The following MAP3K5 variants were observed in gnomAD, a reference collection of about 807,000 sequenced individuals.
The protein encoded by MAP3K5 is ASK-1.
In MAP3K5, 56 loss-of-function variants were observed where a neutral mutation model predicts 158.7. The observed-to-expected ratio is 0.35, with a 90% CI of 0.28 to 0.44. The LOEUF (loss-of-function observed/expected upper bound fraction) is 0.44, where lower values mean the gene tolerates loss of function less well. MAP3K5 is among the 20% of genes least tolerant of loss of function. The pLI, the probability that MAP3K5 is intolerant of heterozygous loss-of-function variation, is 1.00. For missense variants in MAP3K5, 1,294 were observed against 1,674.8 expected, an observed-to-expected ratio of 0.77 and a Z score of 3.97; for synonymous variants, 579 against 601.7, an observed-to-expected ratio of 0.96 and a Z score of 0.55.
rs528207205 is a variant in MAP3K5, at chr6:136,670,596, A to G, written c.1254-1201T>C. On this transcript the variant is annotated intron_variant, in intron 7 of 29. Coordinates refer to ENST00000359015, the MANE Select transcript of MAP3K5 (RefSeq NM_005923.4). ...GAATAGTAAACATAGTGATAGGCACAATAGTGTATATTGTAGGCACAATAA... is the reference window on the plus strand; with the variant it reads ...GAATAGTAAACATAGTGATAGGCACGATAGTGTATATTGTAGGCACAATAA... Among the ~76,000 whole-genome samples, 5 of 152,044 alleles carry G rather than the reference A, an allele frequency of 3.3e-5. No individual in the cohort carries two copies. In the South Asian group the frequency reaches 1.0e-3, roughly 32 times the overall value.
chr6:136,645,449 T>A (rs1382020214), intron 11 of MAP3K5, among the ~76,000 whole-genome samples: 2 of 152,134 alleles, frequency 1.3e-5, no homozygotes, highest in Admixed American at 1.3e-4. Context: ...AGTCCTCCAC[T>A]AGGCCCCTGC....
At chr6:136,646,737 C>T (rs1778274926) in intron 11 of MAP3K5, among the ~76,000 whole-genome samples, 1 of 152,220 alleles carries the variant, frequency 6.6e-6, no homozygotes, top group African/African-American at 2.4e-5. Flanking sequence ...TAGTGTATCT[C>T]AGCTTGTGAG....
At chr6:136,624,222 A>G (rs937295754) in intron 14 of MAP3K5, among the ~76,000 whole-genome samples, 5 of 152,200 alleles carry the variant, frequency 3.3e-5, no homozygotes, top group South Asian at 2.1e-4. Context: ...TATAACATGT[A>G]TAAGTCAACA....
Position 136,705,136 on chromosome 6 carries a change from G to GA in MAP3K5, c.589-4dup. ...GTATTCTTCTGGCAAATTATTTCCT[G>GA]AAAAACAAGAAAAAAAATATACCAC... On this transcript the variant is annotated splice_polypyrimidine_tract_variant and splice_region_variant and intron_variant, in intron 2 of 29. Coordinates refer to ENST00000359015, the MANE Select transcript of MAP3K5 (RefSeq NM_005923.4). 1 of 1,167,444 alleles carries GA rather than the reference G, an allele frequency of 8.6e-7. No individual in the cohort carries two copies. Among genetic ancestry groups the GA allele is most frequent in the South Asian group, 1.5e-5 (1 of 67,982 alleles). The allele number at this position is 1,167,444 out of a possible 1,614,324, so 72.3% of individuals were successfully genotyped here. A position where few individuals can be genotyped will look rare whatever the true frequency, so the allele number is the denominator to read the frequency against.
intron 7 of MAP3K5, among the ~76,000 whole-genome samples, chr6:136,670,222 G>T (rs1779423070): frequency 6.6e-6 from 1 of 151,972 alleles, no homozygotes; most frequent in Admixed American, 6.6e-5. Context: ...TTCAGTGTTT[G>T]AATATTTACT....
chr6:136,682,862 G>C (rs1779992029), intron 7 of MAP3K5, among the ~76,000 whole-genome samples: 1 of 152,048 alleles, frequency 6.6e-6, no homozygotes, highest in African/African-American at 2.4e-5. Context: ...AATTCAGACA[G>C]GGCCTGTGTA....
At chr6:136,573,300 T>C (rs1288384735) in intron 25 of MAP3K5, among the ~76,000 whole-genome samples, 2 of 152,218 alleles carry the variant, frequency 1.3e-5, no homozygotes, top group Non-Finnish European at 2.9e-5. Context: ...AGCTCTTGGT[T>C]CTCAGACCTT....
chr6:136,764,023 T>C (rs1203413089), intron 1 of MAP3K5, among the ~76,000 whole-genome samples: 2 of 152,176 alleles, frequency 1.3e-5, no homozygotes, highest in East Asian at 3.8e-4. Context: ...AAAATAAATT[T>C]CATTTCTCAT....
At chr6:136,743,056 C>T (rs1164650712) in intron 1 of MAP3K5, among the ~76,000 whole-genome samples, 1 of 152,138 alleles carries the variant, frequency 6.6e-6, no homozygotes, top group Non-Finnish European at 1.5e-5. Flanking sequence ...TGACACTGCA[C>T]TCCAGCCTGG....
intron 11 of MAP3K5, among the ~76,000 whole-genome samples, chr6:136,644,504 C>T (rs144511234): frequency 1.3e-5 from 2 of 152,156 alleles, no homozygotes; most frequent in African/African-American, 2.4e-5. Flanking sequence ...TTTCTAGGAA[C>T]GGGTTAGCCT....
rs191929011 is a variant in MAP3K5 at position 136,736,932 on chromosome 6, C to A, written c.449-16343G>T. On this transcript the variant is annotated intron_variant, in intron 1 of 29. Transcript: ENST00000359015. The stretch of plus-strand genomic sequence containing the variant: ...GACTCAAGTGATCCTCCCACCTCAG[C>A]CTCCCAAAGTGTTGGGATTACAGGT... Among the ~76,000 whole-genome samples, 18 of 151,774 alleles carry A rather than the reference C, an allele frequency of 1.2e-4. No individual in the cohort carries two copies. The East Asian group carries it at 3.5e-3, about 29-fold the overall frequency.
chr6:136,611,488 CA>C (rs1406074062), intron 17 of MAP3K5, 101 bp from the exon 18 acceptor site: 2 of 618,104 alleles, frequency 3.2e-6, no homozygotes, highest in Non-Finnish European at 6.0e-6. Context: ...GGTGTCCTTA[CA>C]GCTACCAACG....
intron 7 of MAP3K5, among the ~76,000 whole-genome samples, chr6:136,676,418 A>C (rs1348574240): frequency 1.3e-5 from 2 of 152,322 alleles, no homozygotes; most frequent in East Asian, 1.9e-4. Flanking sequence ...ACCACCTTAA[A>C]CAAGTGAATT....
At chr6:136,791,665 C>T in intron 1 of MAP3K5, 45 bp downstream of exon 1, 1 of 1,597,386 alleles carries the variant, frequency 6.3e-7, no homozygotes, top group Non-Finnish European at 8.6e-7. Flanking sequence ...CCAGATTAAA[C>T]GCGGGTCCCG....
intron 7 of MAP3K5, among the ~76,000 whole-genome samples, chr6:136,686,221 G>C (rs2114618840): frequency 6.6e-6 from 1 of 152,248 alleles, no homozygotes; most frequent in Middle Eastern, 3.4e-3. Flanking sequence ...CCTGAAGACT[G>C]TCCCATTAGA....
chr6:136,702,657 T>C (rs984762049), intron 3 of MAP3K5, among the ~76,000 whole-genome samples: 1 of 152,194 alleles, frequency 6.6e-6, no homozygotes, highest in African/African-American at 2.4e-5. Context: ...TGCTATAAAA[T>C]CCCACAGCTC....
rs75045100 is a variant in MAP3K5 at position 136,607,712 on chromosome 6, G to A, written c.2522-2346C>T. Among the ~76,000 whole-genome samples the A allele has an allele frequency of 4.2e-3, 633 of 152,280 alleles. 12 individuals carry two copies. The highest frequency in any genetic ancestry group is 0.041 in the East Asian group (213 of 5,176). Reference sequence around the variant, plus strand: ...GCTTAGTGGTTAATTAAACTCTAATGTCACATTTCATTCATTCACTCATTC... The same window carrying A: ...GCTTAGTGGTTAATTAAACTCTAATATCACATTTCATTCATTCACTCATTC... On this transcript the variant is annotated intron_variant, in intron 18 of 29. Coordinates refer to ENST00000359015, the MANE Select transcript of MAP3K5 (RefSeq NM_005923.4).
intron 1 of MAP3K5, among the ~76,000 whole-genome samples, chr6:136,745,503 C>T (rs1359421955): frequency 6.6e-6 from 1 of 152,132 alleles, no homozygotes; most frequent in Non-Finnish European, 1.5e-5. Flanking sequence ...GCTGGGAACG[C>T]TCCCCACTGA....
At chr6:136,558,767 T>C (rs750315293) in intron 29 of MAP3K5, 33 bp downstream of exon 29, 98 of 1,375,438 alleles carry the variant, frequency 7.1e-5, no homozygotes, top group Non-Finnish European at 9.8e-5. Flanking sequence ...CCTGGTGCTC[T>C]TTCCATAGTG....
Sources: allele counts gnomAD v4.1 joint callset (sites outside exome capture counted in the v4.1 genomes callset), GRCh38; gene constraint gnomAD v4.1.1; transcripts MANE v1.5; gene names NCBI Gene and HGNC (gene_info 2026-07-23, HGNC 2026-07-21).